The following ALKBH3 variants were observed in gnomAD, a reference collection of about 807,000 sequenced individuals.
The protein encoded by ALKBH3 is alpha-ketoglutarate-dependent dioxygenase alkB homolog 3.
A neutral mutation model predicts 43.9 loss-of-function variants in ALKBH3; 51 were observed. The observed-to-expected ratio is 1.16, with a 90% confidence interval of 0.93 to 1.47. ALKBH3 has a LOEUF of 1.47. Among genes scored for constraint, ALKBH3 ranks in the 40% most tolerant of loss-of-function variants. The pLI, the probability that ALKBH3 is intolerant of heterozygous loss-of-function variation, is 0.00. For missense variants in ALKBH3, 361 were observed against 351.9 expected, an observed-to-expected ratio of 1.03 and a Z score of -0.21; for synonymous variants, 102 against 115.2, an observed-to-expected ratio of 0.89 and a Z score of 0.73.
At chr11:43,889,214 G>T (rs1951766875) in intron 5 of ALKBH3, among the ~76,000 whole-genome samples, 1 of 152,050 alleles carries the variant, frequency 6.6e-6, no homozygotes. Context: ...TTTGGTAGAC[G>T]GGGTTTCACC....
At chr11:43,900,638 A>G (rs1951857043) in intron 7 of ALKBH3, among the ~76,000 whole-genome samples, 2 of 152,306 alleles carry the variant, frequency 1.3e-5, no homozygotes, top group Middle Eastern at 3.4e-3. Flanking sequence ...TGGGCTCCTC[A>G]ATAATTTCTC....
chr11:43,901,457 G>A (rs1485239478), intron 7 of ALKBH3, 59 bp from the exon 8 acceptor site: 16 of 1,589,934 alleles, frequency 1.0e-5, no homozygotes, highest in East Asian at 2.2e-5. Flanking sequence ...TTTTCCATGC[G>A]GCTGTCATTT....
intron 3 of ALKBH3, 133 bp downstream of exon 3, chr11:43,883,321 G>A: frequency 1.6e-6 from 1 of 624,324 alleles, no homozygotes; most frequent in Non-Finnish European, 2.7e-6. Context: ...TAATAATAAT[G>A]AAATGAGAAA....
chr11:43,892,479 T>G (rs1265387462), intron 7 of ALKBH3, among the ~76,000 whole-genome samples: 3 of 152,220 alleles, frequency 2.0e-5, no homozygotes, highest in Non-Finnish European at 4.4e-5. Context: ...GTGAGGTCAA[T>G]ATGCCTTTTT....
intron 4 of ALKBH3, 52 bp from the exon 5 acceptor site, chr11:43,886,554 T>A (rs3740983): frequency 6.4e-7 from 1 of 1,570,534 alleles, no homozygotes; most frequent in East Asian, 2.2e-5. Context: ...CCACTGGGTA[T>A]AGCATATTGT....
At chr11:43,908,176 T>A (rs1401452384) in intron 8 of ALKBH3, among the ~76,000 whole-genome samples, 2 of 152,164 alleles carry the variant, frequency 1.3e-5, no homozygotes, top group Non-Finnish European at 2.9e-5. Context: ...TTTCAGGGAA[T>A]TTGCAGTCTT....
intron 7 of ALKBH3, among the ~76,000 whole-genome samples, chr11:43,894,813 A>G (rs1054959563): frequency 2.6e-5 from 4 of 152,246 alleles, no homozygotes; most frequent in Non-Finnish European, 5.9e-5. Flanking sequence ...TTTGGAATTT[A>G]TTCTCTTGAA....
At chr11:43,894,827 A>G (rs148335289) in intron 7 of ALKBH3, among the ~76,000 whole-genome samples, 1 of 152,330 alleles carries the variant, frequency 6.6e-6, no homozygotes, top group Non-Finnish European at 1.5e-5. Flanking sequence ...TCTTGAACAA[A>G]GGTTTATTTA....
At chr11:43,917,149 C>T (rs1951990164) in intron 8 of ALKBH3, among the ~76,000 whole-genome samples, 1 of 152,194 alleles carries the variant, frequency 6.6e-6, no homozygotes, top group Admixed American at 6.5e-5. Context: ...GAGACTTTCT[C>T]TCATTTGAAA....
Position 43,919,588 on chromosome 11 carries a change from T to A in ALKBH3, c.769-330T>A. The A allele has an allele frequency of 9.6e-6, 3 of 311,518 alleles. No individual in the cohort carries two copies. In the South Asian group the frequency reaches 1.3e-4, roughly 14 times the overall value. 19.3% of individuals were successfully genotyped at this position (311,518 alleles called of 1,614,324 possible). ...CATGTTAATGTCAAAACACTTACCA[T>A]AAGAATGGAATCTCATGCCTCTCTT... On this transcript the variant is annotated intron_variant, in intron 9 of 9. Transcript: ENST00000302708.
rs757857296 is a variant in ALKBH3 at position 43,892,035 on chromosome 11, T to C, written c.371-6T>C. ...CCATTTCAAAGGCCTGTATTTTCTT[T>C]CTTAGATATAACTTATCAGCAACCA... On this transcript the variant is annotated splice_polypyrimidine_tract_variant and splice_region_variant and intron_variant, in intron 6 of 9. Coordinates refer to ENST00000302708, the MANE Select transcript of ALKBH3 (RefSeq NM_139178.4). 9 of 1,605,988 alleles carry C rather than the reference T, an allele frequency of 5.6e-6. No homozygotes were observed. The African/African-American group carries it at 1.1e-4, about 19-fold the overall frequency.
intron 7 of ALKBH3, chr11:43,899,595 G>T: frequency 1.8e-6 from 1 of 565,176 alleles, no homozygotes; most frequent in Middle Eastern, 5.5e-4. Context: ...GTGCAGAGGA[G>T]ATGGCCGCCC....
intron 8 of ALKBH3, among the ~76,000 whole-genome samples, chr11:43,908,069 G>A (rs1317316221): frequency 6.6e-6 from 1 of 152,200 alleles, no homozygotes; most frequent in Non-Finnish European, 1.5e-5. Flanking sequence ...TCAGAATAAT[G>A]ATTTGAAAGT....
In ALKBH3 at chr11:43,919,077, A is replaced by C; in HGVS notation, c.709A>C (p.Ile237Leu). 3 of 1,613,286 alleles carry C rather than the reference A, an allele frequency of 1.9e-6. No individual in the cohort carries two copies. Among genetic ancestry groups the C allele is most frequent in the Non-Finnish European group, 2.5e-6 (3 of 1,179,270 alleles). The change falls in exon 9 of 10, where the codon ATA becomes CTA. Residue 237 changes from isoleucine to leucine, a missense_variant. By Grantham distance (5) the Ile-to-Leu change is conservative. Coordinates refer to ENST00000302708, the MANE Select transcript of ALKBH3 (RefSeq NM_139178.4). Reference sequence around the variant, plus strand: ...CTACACATATGTGGAAAGAGTGAAGATACCCTTGGATCATGGGACCTTGTT... The same window carrying C: ...CTACACATATGTGGAAAGAGTGAAGCTACCCTTGGATCATGGGACCTTGTT... The part of the protein sequence containing the change: ...GDYTYVERVK[I>L]PLDHGTLLIM...
At chr11:43,898,473 G>A in intron 7 of ALKBH3, 1 of 936,180 alleles carries the variant, frequency 1.1e-6, no homozygotes, top group Non-Finnish European at 1.7e-6. Context: ...GGCTGGGGCA[G>A]ATGGACACCA....
intron 7 of ALKBH3, chr11:43,898,526 A>G: frequency 1.2e-6 from 1 of 843,008 alleles, no homozygotes; most frequent in East Asian, 2.5e-5. Flanking sequence ...CTGCTGAGAT[A>G]CGTTCTCTCC....
chr11:43,892,635 T>A (rs956950027), intron 7 of ALKBH3, among the ~76,000 whole-genome samples: 10 of 152,250 alleles, frequency 6.6e-5, no homozygotes, highest in African/African-American at 2.4e-4. Flanking sequence ...TTTTAAAAAA[T>A]TTCCATGAAA....
intron 8 of ALKBH3, among the ~76,000 whole-genome samples, chr11:43,906,209 G>T (rs186526164): frequency 6.6e-6 from 1 of 152,114 alleles, no homozygotes; most frequent in African/African-American, 2.4e-5. Flanking sequence ...CAAGTCTAGC[G>T]GTAGAGACTA....
chr11:43,902,295 A>C (rs1951868860), intron 8 of ALKBH3, among the ~76,000 whole-genome samples: 1 of 152,228 alleles, frequency 6.6e-6, no homozygotes, highest in African/African-American at 2.4e-5. Context: ...AGAGATGGTG[A>C]TCTGTCCACA....
Sources: gnomAD v4.1 joint callset for allele counts (sites outside exome capture counted in the v4.1 genomes callset) on GRCh38, gnomAD v4.1.1 for gene constraint, MANE v1.5 for transcripts, NCBI Gene and HGNC (gene_info 2026-07-23, HGNC 2026-07-21) for gene names.